Variants in CSTPP1 observed in about 807,000 individuals in gnomAD.
The protein encoded by CSTPP1 is centriolar satellite-associated tubulin polyglutamylase complex regulator 1.
chr11:47,134,981 T>C, the CSTPP1 span, among the ~76,000 whole-genome samples: 16 of 152,200 alleles, frequency 1.1e-4, no homozygotes, highest in East Asian at 1.5e-3. Context: ...TGGTGGCATA[T>C]GCTTGTAGTC....
chr11:47,137,540 G>C, the CSTPP1 span: 2 of 1,576,054 alleles, frequency 1.3e-6, no homozygotes, highest in Non-Finnish European at 1.7e-6. Flanking sequence ...GCTTTTAAAA[G>C]AACAGCTCTA....
chr11:46,943,523 C>T, the CSTPP1 span, among the ~76,000 whole-genome samples: 1 of 152,136 alleles, frequency 6.6e-6, no homozygotes, highest in Admixed American at 6.5e-5. Flanking sequence ...AGGAGGCATC[C>T]GAGGAATGAG....
At chr11:46,967,946 G>A in the CSTPP1 span, among the ~76,000 whole-genome samples, 8 of 152,102 alleles carry the variant, frequency 5.3e-5, no homozygotes, top group South Asian at 1.5e-3. Flanking sequence ...AAGGGGCTCC[G>A]GTGAGCTGAG....
chr11:47,028,927 T>C, the CSTPP1 span, among the ~76,000 whole-genome samples: 1 of 151,986 alleles, frequency 6.6e-6, no homozygotes, highest in Admixed American at 6.6e-5. Context: ...AACCTCTCCC[T>C]CCCGGGCTCA....
chr11:47,106,756 C>T, the CSTPP1 span, among the ~76,000 whole-genome samples: 1 of 152,142 alleles, frequency 6.6e-6, no homozygotes, highest in South Asian at 2.1e-4. Flanking sequence ...GAATGGTACC[C>T]AAAGCCCACC....
the CSTPP1 span, among the ~76,000 whole-genome samples, chr11:47,044,384 G>A: frequency 1.3e-5 from 2 of 151,894 alleles, no homozygotes; most frequent in African/African-American, 4.8e-5. Flanking sequence ...ATATATACAT[G>A]TGTATTTCTT....
At chr11:47,049,654 T>C in the CSTPP1 span, among the ~76,000 whole-genome samples, 1 of 151,568 alleles carries the variant, frequency 6.6e-6, no homozygotes, top group Non-Finnish European at 1.5e-5. Context: ...AAAAACAATG[T>C]AGATAAATAT....
the CSTPP1 span, among the ~76,000 whole-genome samples, chr11:46,982,147 T>G: frequency 6.6e-6 from 1 of 152,078 alleles, no homozygotes; most frequent in South Asian, 2.1e-4. Flanking sequence ...AGAGAACATT[T>G]TAATTTAGTT....
chr11:47,022,130 A>G, the CSTPP1 span, among the ~76,000 whole-genome samples: 16 of 126,026 alleles, frequency 1.3e-4, no homozygotes, highest in Non-Finnish European at 2.7e-4. Flanking sequence ...TGTGGAAAGC[A>G]TACCACTTAG....
chr11:46,991,941 G>A, the CSTPP1 span, among the ~76,000 whole-genome samples: 24 of 152,058 alleles, frequency 1.6e-4, no homozygotes, highest in South Asian at 8.3e-4. Flanking sequence ...GGGTTTCACC[G>A]TGTTAGCCAG....
the CSTPP1 span, among the ~76,000 whole-genome samples, chr11:47,124,503 A>G: frequency 2.0e-5 from 3 of 152,318 alleles, no homozygotes; most frequent in South Asian, 6.2e-4. Flanking sequence ...TAGGTTATAC[A>G]TGAAAATGAC....
At chr11:46,937,001 T>A in the CSTPP1 span, 1 of 1,118,502 alleles carries the variant, frequency 8.9e-7, no homozygotes, top group Non-Finnish European at 1.2e-6. Context: ...CCTGAGCCTG[T>A]AAGGCCGAGC....
At chr11:47,101,984 G>C in the CSTPP1 span, among the ~76,000 whole-genome samples, 1 of 152,038 alleles carries the variant, frequency 6.6e-6, no homozygotes, top group Admixed American at 6.6e-5. Flanking sequence ...TTGTAAAAGG[G>C]GAATAGTGAC....
At chr11:47,029,097 G>C in the CSTPP1 span, among the ~76,000 whole-genome samples, 1 of 151,520 alleles carries the variant, frequency 6.6e-6, no homozygotes, top group Non-Finnish European at 1.5e-5. Context: ...CATCTGCCTC[G>C]GGCTCCCAAA....
chr11:47,065,977 T>TTG, the CSTPP1 span, among the ~76,000 whole-genome samples: 3,497 of 146,068 alleles, frequency 0.024, 69 homozygotes, highest in South Asian at 0.084. Flanking sequence ...GGTCTAACAG[T>TTG]TGTGTGTGTG....
the CSTPP1 span, among the ~76,000 whole-genome samples, chr11:47,023,871 C>T: frequency 6.6e-6 from 1 of 152,104 alleles, no homozygotes; most frequent in Non-Finnish European, 1.5e-5. Context: ...GGGTGGCTTC[C>T]ACCTTTTGAC....
chr11:47,142,276 G>A, the CSTPP1 span, among the ~76,000 whole-genome samples: 1 of 150,326 alleles, frequency 6.7e-6, no homozygotes, highest in South Asian at 2.1e-4. Context: ...TTTGTGACTA[G>A]TTTCATGTTT....
At chr11:47,081,305 C>T in the CSTPP1 span, among the ~76,000 whole-genome samples, 10 of 151,634 alleles carry the variant, frequency 6.6e-5, no homozygotes, top group Admixed American at 1.3e-4. Context: ...AGAAATATCC[C>T]GAGAAAGAAA....
At chr11:47,052,574 C>T in the CSTPP1 span, 14 of 1,579,618 alleles carry the variant, frequency 8.9e-6, 1 homozygote, top group South Asian at 1.6e-4. Context: ...TTTCTTCCTT[C>T]CTTCCTTCCT....
Sources: allele counts gnomAD v4.1 joint callset (sites outside exome capture counted in the v4.1 genomes callset), GRCh38; gene constraint gnomAD v4.1.1; transcripts MANE v1.5; gene names NCBI Gene and HGNC (gene_info 2026-07-23, HGNC 2026-07-21).